Variants in LTBP3 observed in about 807,000 individuals in gnomAD.
The protein encoded by LTBP3 is latent-transforming growth factor beta-binding protein 3.
In LTBP3, 97 loss-of-function variants were observed where a neutral mutation model predicts 159.7. That is an observed-to-expected ratio of 0.61 (90% confidence interval 0.52 to 0.72). LTBP3 has a LOEUF of 0.72. Ranked by LOEUF, LTBP3 falls within the 30% of genes least tolerant of loss-of-function variation. LTBP3 has a pLI of 0.00. For synonymous variants in LTBP3, 824 were observed against 777.1 expected (o/e 1.06, Z -1.00); for missense variants, 1,584 against 1,864.3 (o/e 0.85, Z 2.77).
Position 65,538,682 on chromosome 11 carries a change from G to A in LTBP3, c.*398C>T, listed in dbSNP as rs1000535755. 7.8e-6 allele frequency: 10 copies of A among 1,285,244 alleles called. No homozygotes were observed. Among genetic ancestry groups the A allele is most frequent in the Admixed American group, 5.2e-5 (2 of 38,424 alleles). 79.6% of individuals were successfully genotyped at this position (1,285,244 alleles called of 1,614,324 possible). On this transcript the variant is annotated 3_prime_UTR_variant, in exon 28 of 28. Transcript: ENST00000301873. ...GCCATCTCACGTGTACATAATCAGA[G>A]CCACAATAAATTCTATTTCACACCC...
intron 26 of LTBP3, 22 bp downstream of exon 26, chr11:65,539,526 C>T (rs1312326565): frequency 1.2e-6 from 2 of 1,609,570 alleles, no homozygotes; most frequent in Non-Finnish European, 8.5e-7. Context: ...ACCCCGCCAC[C>T]GCCCGACCCG....
intron 20 of LTBP3, 55 bp from the exon 21 acceptor site, chr11:65,541,009 G>A: frequency 6.3e-7 from 1 of 1,589,214 alleles, no homozygotes; most frequent in East Asian, 2.3e-5. Context: ...GCGCGCGCGT[G>A]GGCTTAGGGC....
chr11:65,552,179 C>T lies in LTBP3; in HGVS notation c.1346-22G>A. 6.2e-7 allele frequency: 1 copy of T among 1,614,194 alleles called. No homozygotes were observed. The highest frequency in any genetic ancestry group is 8.5e-7 in the Non-Finnish European group (1 of 1,180,020). On this transcript the variant is annotated intron_variant, in intron 7 of 27. Coordinates refer to ENST00000301873, the MANE Select transcript of LTBP3 (RefSeq NM_001130144.3). The surrounding 1 kb of genome is among the most constrained non-coding windows in gnomAD (Gnocchi z 6.0). ...GCAGCTGCAGTCAAGACAGCAGACA[C>T]AAAAGTGAGCATTTCCTGGACAGGT... is the stretch of plus-strand genomic sequence containing the variant.
In LTBP3 at chr11:65,553,301, TG is replaced by T; in HGVS notation, c.971-46del. ...TGGCAGGGGAGGGTGAGGAGGGAAC[TG>T]GGGAGGGGCACAGCAGATGTAGAGA... On this transcript the variant is annotated intron_variant, in intron 4 of 27. Coordinates refer to ENST00000301873, the MANE Select transcript of LTBP3 (RefSeq NM_001130144.3). The surrounding 1 kb of genome is among the most constrained non-coding windows in gnomAD (Gnocchi z 6.5). 2 of 1,375,878 alleles carry T rather than the reference TG, an allele frequency of 1.5e-6. No homozygotes were observed. The highest frequency in any genetic ancestry group is 9.7e-7 in the Non-Finnish European group (1 of 1,030,712). The allele number at this position is 1,375,878 out of a possible 1,614,324, so 85.2% of individuals were successfully genotyped here.
intron 24 of LTBP3, 33 bp from the exon 25 acceptor site, chr11:65,539,914 C>T (rs1203521144): frequency 6.7e-7 from 1 of 1,495,816 alleles, no homozygotes; most frequent in Non-Finnish European, 8.9e-7. Flanking sequence ...GGGGAGGGGC[C>T]CAAGGCAGGA....
chr11:65,549,759 A>C (rs1166079885), intron 11 of LTBP3, among the ~76,000 whole-genome samples: 8 of 142,454 alleles, frequency 5.6e-5, no homozygotes, highest in Non-Finnish European at 9.3e-5. Flanking sequence ...CAGGCCGGGA[A>C]AAAAAAAAAA....
chr11:65,541,443 G>T, intron 19 of LTBP3, 150 bp from the exon 20 acceptor site: 1 of 1,426,296 alleles, frequency 7.0e-7, no homozygotes, highest in Non-Finnish European at 9.7e-7. Flanking sequence ...TGGTGTTCTG[G>T]ACCCTTCATC....
At chr11:65,539,261 G>T (rs1287267755) in intron 27 of LTBP3, 30 bp from the exon 28 acceptor site, 3 of 1,519,624 alleles carry the variant, frequency 2.0e-6, no homozygotes, top group East Asian at 5.2e-5. Context: ...GTGCGGCTTC[G>T]CTGAGCCTCC....
In LTBP3 at chr11:65,546,976, C is replaced by T; in HGVS notation, c.2108-56G>A. The T allele has an allele frequency of 6.2e-7, 1 of 1,601,988 alleles. No individual in the cohort carries two copies. Among genetic ancestry groups the T allele is most frequent in the African/African-American group, 1.3e-5 (1 of 75,034 alleles). ...TCTGGGGACAACGCGGGTGGCCCGG[C>T]TCCCAGCGTCCACAGCAGGGACTTC... On this transcript the variant is annotated intron_variant, in intron 14 of 27. Coordinates refer to ENST00000301873, the MANE Select transcript of LTBP3 (RefSeq NM_001130144.3). This position sits in a 1 kb window ranked among gnomAD's most constrained non-coding sequence, Gnocchi z 4.0.
At position 65,540,833 on chromosome 11, in the gene LTBP3, G is replaced by T. The variant is rs368163963; in HGVS notation, c.2977+38C>A. 11 of 1,584,938 alleles carry T rather than the reference G, an allele frequency of 6.9e-6. No homozygotes were observed. In the African/African-American group the frequency reaches 1.3e-4, roughly 19 times the overall value. On this transcript the variant is annotated intron_variant, in intron 21 of 27. Coordinates refer to ENST00000301873, the MANE Select transcript of LTBP3 (RefSeq NM_001130144.3). ...GATCCGGGCGAGCCCAACCCGGGGTGAGAGGGCGCGGGGCGGGCGGAGCCG... is the reference window on the plus strand; with the variant it reads ...GATCCGGGCGAGCCCAACCCGGGGTTAGAGGGCGCGGGGCGGGCGGAGCCG...
At chr11:65,548,603 CCA>C (rs1856479604) in intron 11 of LTBP3, 1 of 168,514 alleles carries the variant, frequency 5.9e-6, no homozygotes, top group South Asian at 1.3e-4. Flanking sequence ...GATCCAGGAA[CCA>C]CCCCCCTCAC....
intron 17 of LTBP3, 43 bp downstream of exon 17, chr11:65,543,384 G>A (rs1272834494): frequency 3.1e-6 from 5 of 1,612,994 alleles, no homozygotes; most frequent in Non-Finnish European, 1.7e-6. Context: ...GGGTCCTGGG[G>A]TAGGGAGGGA....
In LTBP3 at chr11:65,557,989, G is replaced by C; in HGVS notation, c.-30C>G. ...GGCCGCAGGACCCGGGGGAGGGGGG[G>C]CGCGCCCGGGCGGGGCGAGGGGCCC... On this transcript the variant is annotated 5_prime_UTR_variant, in exon 1 of 28. Transcript: ENST00000301873. 8.9e-7 allele frequency: 1 copy of C among 1,117,376 alleles called. No homozygotes were observed. Among genetic ancestry groups the C allele is most frequent in the Non-Finnish European group, 1.1e-6 (1 of 915,586 alleles). 69.2% of individuals were successfully genotyped at this position (1,117,376 alleles called of 1,614,324 possible).
chr11:65,557,495 TG>T, intron 1 of LTBP3, 133 bp downstream of exon 1: 1 of 1,245,582 alleles, frequency 8.0e-7, no homozygotes, highest in Non-Finnish European at 1.1e-6. Flanking sequence ...CTGAGGCCCC[TG>T]GTCCCCCAGG....
chr11:65,546,728 C>CCCCCCCCCGTG lies in LTBP3; in HGVS notation c.2230+69_2230+70insCACGGGGGGGG. Reference sequence around the variant, plus strand: ...CAATCACCACCGCTACCCCGCCCCGCCCCCAGCGGAGCCAGACTGGGGGAG... The same window carrying CCCCCCCCCGTG: ...CAATCACCACCGCTACCCCGCCCCGCCCCCCCCCGTGCCCCAGCGGAGCCAGACTGGGGGAG... On this transcript the variant is annotated intron_variant, in intron 15 of 27. Coordinates refer to ENST00000301873, the MANE Select transcript of LTBP3 (RefSeq NM_001130144.3). This position sits in a 1 kb window ranked among gnomAD's most constrained non-coding sequence, Gnocchi z 4.0. 6.5e-7 allele frequency: 1 copy of CCCCCCCCCGTG among 1,534,766 alleles called. No individual in the cohort carries two copies. Among genetic ancestry groups the CCCCCCCCCGTG allele is most frequent in the Non-Finnish European group, 8.8e-7 (1 of 1,137,852 alleles).
In LTBP3 at chr11:65,539,049, G is replaced by A; in HGVS notation, c.*31C>T. The A allele has an allele frequency of 1.5e-6, 2 of 1,349,608 alleles. No individual in the cohort carries two copies. Among genetic ancestry groups the A allele is most frequent in the Non-Finnish European group, 1.9e-6 (2 of 1,052,708 alleles). The allele number at this position is 1,349,608 out of a possible 1,614,324, so 83.6% of individuals were successfully genotyped here. On this transcript the variant is annotated 3_prime_UTR_variant, in exon 28 of 28. Coordinates refer to ENST00000301873, the MANE Select transcript of LTBP3 (RefSeq NM_001130144.3). ...TCGCGGAAATCCCTCAGTGATCACC[G>A]AGGTCTGGGCCGAGGGCGGCGTCGG...
rs1459646851 is a variant in LTBP3 at position 65,540,043 on chromosome 11, G to C, written c.3355C>G (p.Arg1119Gly). 4 of 1,516,250 alleles carry C rather than the reference G, an allele frequency of 2.6e-6. No individual in the cohort carries two copies. The highest frequency in any genetic ancestry group is 3.9e-4 in the Middle Eastern group (2 of 5,182). The allele number at this position is 1,516,250 out of a possible 1,614,324, so 93.9% of individuals were successfully genotyped here. A position where few individuals can be genotyped will look rare whatever the true frequency, so the allele number is the denominator to read the frequency against. The part of the protein sequence containing the change: ...RPPWVPGPSG[R>G]DCQLPESPAE... ...GGGCTCTCGGGGAGCTGGCAATCGCGGCCGGAGGGCCCGGGCACCCAGGGC... is the reference window on the plus strand; with the variant it reads ...GGGCTCTCGGGGAGCTGGCAATCGCCGCCGGAGGGCCCGGGCACCCAGGGC... The change falls in exon 24 of 28, where the codon CGC becomes GGC. Residue 1119 changes from arginine (R) to glycine (G), a missense_variant. Around this residue, in one of 6 missense-constraint regions of LTBP3, gnomAD observed 514 missense variants for 530.3 expected, o/e 0.97. Transcript: ENST00000301873.
chr11:65,540,774 C>T (rs893063188), intron 21 of LTBP3, 97 bp downstream of exon 21: 1 of 1,405,108 alleles, frequency 7.1e-7, no homozygotes, highest in Non-Finnish European at 9.6e-7. Context: ...GGGGCTTACC[C>T]GGCGCGGGCA....
intron 11 of LTBP3, 22 bp from the exon 12 acceptor site, chr11:65,548,067 G>A (rs1292061627): frequency 2.5e-6 from 4 of 1,613,616 alleles, no homozygotes; most frequent in Non-Finnish European, 3.4e-6. Flanking sequence ...GCCAGGTCAA[G>A]CGGCAGAGCA....
Sources: gnomAD v4.1 joint callset for allele counts (sites outside exome capture counted in the v4.1 genomes callset) on GRCh38, gnomAD v4.1.1 for gene constraint, gnomAD v4.1.1 regional missense constraint, Gnocchi (gnomAD v3.1) non-coding constraint, MANE v1.5 for transcripts, NCBI Gene and HGNC (gene_info 2026-07-23, HGNC 2026-07-21) for gene names.